Variants in STMN4 observed in about 807,000 individuals in gnomAD.
STMN4 encodes the protein stathmin 4.
STMN4 carries 12 observed loss-of-function variants against 29.1 expected under a neutral mutation model. The ratio of observed to expected loss-of-function variants is 0.41; its 90% CI spans 0.26 to 0.67. The LOEUF (loss-of-function observed/expected upper bound fraction) is 0.67. STMN4 is among the 30% of genes least tolerant of loss of function. The pLI is 0.30. For missense variants in STMN4, 181 were observed against 262.8 expected (o/e 0.69, Z 2.15); for synonymous variants, 114 against 105.3 (o/e 1.08, Z -0.51).
chr8:27,255,915 A>T (rs760824758), intron 1 of STMN4, among the ~76,000 whole-genome samples: 2 of 152,174 alleles, frequency 1.3e-5, no homozygotes, highest in Non-Finnish European at 2.9e-5. Flanking sequence ...ACAATATGAG[A>T]CCAAACTTCT....
At chr8:27,247,924 G>A (rs1448805925) in intron 1 of STMN4, among the ~76,000 whole-genome samples, 1 of 152,194 alleles carries the variant, frequency 6.6e-6, no homozygotes, top group Non-Finnish European at 1.5e-5. Context: ...TGTTAGGTGA[G>A]AGCCAATCCT....
At chr8:27,239,356 G>C in intron 6 of STMN4, 1 of 1,483,038 alleles carries the variant, frequency 6.7e-7, no homozygotes, top group Non-Finnish European at 9.1e-7. Context: ...CTCAGGAAAT[G>C]AGGCCAGCGT....
chr8:27,250,436 G>A (rs1801749804), intron 1 of STMN4, among the ~76,000 whole-genome samples: 1 of 152,208 alleles, frequency 6.6e-6, no homozygotes, highest in Non-Finnish European at 1.5e-5. Flanking sequence ...TTTGTTGGTG[G>A]AAAAGTAAAA....
At chr8:27,249,848 A>G (rs1201012431) in intron 1 of STMN4, among the ~76,000 whole-genome samples, 8 of 152,216 alleles carry the variant, frequency 5.3e-5, no homozygotes, top group Admixed American at 5.2e-4. Flanking sequence ...ATACGACAGA[A>G]TGAACAAGCA....
At chr8:27,241,865 TCCCC>T in intron 3 of STMN4, 108 bp from the exon 4 acceptor site, 1 of 1,344,918 alleles carries the variant, frequency 7.4e-7, no homozygotes, top group Non-Finnish European at 1.1e-6. Context: ...GGTGACCTGG[TCCCC>T]GAGCACCCCT....
chr8:27,245,873 G>A (rs774157702), intron 1 of STMN4, among the ~76,000 whole-genome samples: 4 of 152,192 alleles, frequency 2.6e-5, no homozygotes, highest in African/African-American at 4.8e-5. Flanking sequence ...GGGGGCACTC[G>A]ACACCCACCA....
At chr8:27,244,884 C>A (rs545691536) in intron 1 of STMN4, among the ~76,000 whole-genome samples, 1 of 152,166 alleles carries the variant, frequency 6.6e-6, no homozygotes. Context: ...AGTGGCCATC[C>A]TCAGGACCAT....
At chr8:27,241,845 G>T in intron 3 of STMN4, 88 bp from the exon 4 acceptor site, 1 of 1,502,516 alleles carries the variant, frequency 6.7e-7, no homozygotes, top group South Asian at 1.1e-5. Context: ...TTCTAACCAG[G>T]ACATTAGGAG....
intron 6 of STMN4, chr8:27,239,433 A>G (rs1464575261): frequency 1.2e-6 from 1 of 809,366 alleles, no homozygotes; most frequent in Non-Finnish European, 1.9e-6. Flanking sequence ...TGTTTCTCAT[A>G]TTTAGGTGAC....
At chr8:27,242,102 T>C in intron 3 of STMN4, 1 of 562,878 alleles carries the variant, frequency 1.8e-6, no homozygotes, top group Non-Finnish European at 3.2e-6. Flanking sequence ...AATATCTGTC[T>C]GGCTCACCTT....
chr8:27,240,960 A>AT, intron 5 of STMN4, 94 bp downstream of exon 5: 1 of 1,236,752 alleles, frequency 8.1e-7, no homozygotes, highest in Non-Finnish European at 1.1e-6. Flanking sequence ...CAGATTGGTG[A>AT]TGAGCTTATC....
intron 6 of STMN4, among the ~76,000 whole-genome samples, chr8:27,238,676 G>C (rs73678599): frequency 0.015 from 2,328 of 152,312 alleles, 69 homozygotes; most frequent in African/African-American, 0.053. Context: ...CTTGGACTTG[G>C]AGCCAAAGAT....
chr8:27,244,077 C>A (rs576115418), intron 1 of STMN4, among the ~76,000 whole-genome samples: 2 of 152,174 alleles, frequency 1.3e-5, no homozygotes, highest in Non-Finnish European at 2.9e-5. Context: ...TTCCCAAAAA[C>A]GTATGGATCA....
At chr8:27,254,062 T>C (rs1057465294) in intron 1 of STMN4, among the ~76,000 whole-genome samples, 3 of 152,160 alleles carry the variant, frequency 2.0e-5, no homozygotes, top group Non-Finnish European at 4.4e-5. Context: ...GGATTACAGG[T>C]GTGAGCCATC....
In STMN4 at chr8:27,242,452, C is replaced by A; in HGVS notation, c.54G>T (p.Leu18Phe). The change falls in exon 3 of 7, where the codon TTG becomes TTT. Residue 18 changes from leucine to phenylalanine, a missense_variant. Leu to Phe is a conservative substitution (Grantham distance 22, BLOSUM62 0). Transcript: ENST00000350889. ...GATCGGCCAGGAAGCAGGAGCAGAACAAGGACACCAGCGGGAGCTCCTTCA... is the reference window on the plus strand; with the variant it reads ...GATCGGCCAGGAAGCAGGAGCAGAAAAAGGACACCAGCGGGAGCTCCTTCA... ...EKMKELPLVS[L>F]FCSCFLADPL... 1 of 1,614,180 alleles carries A rather than the reference C, an allele frequency of 6.2e-7. No individual in the cohort carries two copies.
chr8:27,245,695 C>T (rs565586035), intron 1 of STMN4, among the ~76,000 whole-genome samples: 16 of 152,270 alleles, frequency 1.1e-4, no homozygotes, highest in Admixed American at 2.6e-4. Flanking sequence ...GTGGCAGTGG[C>T]CTTGGACTTC....
At chr8:27,242,616 C>T (rs976845993) in intron 2 of STMN4, 124 bp from the exon 3 acceptor site, 4 of 879,692 alleles carry the variant, frequency 4.5e-6, no homozygotes, top group South Asian at 3.2e-5. Context: ...CGCAGGCACA[C>T]GCCAAGCCTG....
At chr8:27,238,684 G>T (rs1352110463) in intron 6 of STMN4, among the ~76,000 whole-genome samples, 1 of 152,232 alleles carries the variant, frequency 6.6e-6, no homozygotes, top group Non-Finnish European at 1.5e-5. Flanking sequence ...TGGAGCCAAA[G>T]ATCTGGGTGC....
chr8:27,242,813 A>C (rs761678465), intron 2 of STMN4, among the ~76,000 whole-genome samples: 9 of 152,150 alleles, frequency 5.9e-5, no homozygotes, highest in Non-Finnish European at 1.3e-4. Context: ...CCAGTGCCTC[A>C]GCTCTCCATC....
Sources: allele counts gnomAD v4.1 joint callset (sites outside exome capture counted in the v4.1 genomes callset), GRCh38; gene constraint gnomAD v4.1.1; transcripts MANE v1.5; gene names NCBI Gene and HGNC (gene_info 2026-07-23, HGNC 2026-07-21).